Variants in DSCAML1 observed in about 807,000 individuals in gnomAD.
DSCAML1 encodes DS cell adhesion molecule like 1.
In DSCAML1, 38 loss-of-function variants were observed where a neutral mutation model predicts 200.5. That is an observed-to-expected ratio of 0.19 (90% confidence interval 0.15 to 0.25). The LOEUF (loss-of-function observed/expected upper bound fraction) is 0.25. DSCAML1 is among the 10% of genes least tolerant of loss of function. The pLI is 1.00. For synonymous variants in DSCAML1, 1,215 were observed against 1,165.0 expected (o/e 1.04, Z -0.87); for missense variants, 2,223 against 2,858.8 (o/e 0.78, Z 5.07).
chr11:117,557,139 C>A (rs911465844), intron 3 of DSCAML1, among the ~76,000 whole-genome samples: 2 of 152,050 alleles, frequency 1.3e-5, no homozygotes, highest in African/African-American at 4.8e-5. Context: ...TTAAGATGCC[C>A]GTAGTTAGTC....
chr11:117,625,532 G>T (rs2052025293), intron 3 of DSCAML1, among the ~76,000 whole-genome samples: 1 of 152,186 alleles, frequency 6.6e-6, no homozygotes. Context: ...GGGTCCCAGT[G>T]GTGTGACCCA....
chr11:117,437,505 G>C lies in DSCAML1; in HGVS notation c.4433-96C>G. ...GGAAAGGATTTCCCTGGGGCAGCTGGGATGGCAGTGGCTCCAGGAGAATAC... is the reference window on the plus strand; with the variant it reads ...GGAAAGGATTTCCCTGGGGCAGCTGCGATGGCAGTGGCTCCAGGAGAATAC... On this transcript the variant is annotated intron_variant, in intron 25 of 32. Coordinates refer to ENST00000651296, the MANE Select transcript of DSCAML1 (RefSeq NM_020693.4). The surrounding 1 kb of genome is among the most constrained non-coding windows in gnomAD (Gnocchi z 5.3). The C allele has an allele frequency of 7.1e-7, 1 of 1,405,590 alleles. No individual in the cohort carries two copies. Among genetic ancestry groups the C allele is most frequent in the Non-Finnish European group, 9.8e-7 (1 of 1,025,564 alleles). The allele number at this position is 1,405,590 out of a possible 1,614,324, so 87.1% of individuals were successfully genotyped here. A position where few individuals can be genotyped will look rare whatever the true frequency, so the allele number is the denominator to read the frequency against.
intron 4 of DSCAML1, among the ~76,000 whole-genome samples, chr11:117,526,264 T>A (rs541714446): frequency 6.6e-6 from 1 of 152,290 alleles, no homozygotes; most frequent in South Asian, 2.1e-4. Context: ...AGGCCTTCTA[T>A]GATCTGGGCC....
intron 1 of DSCAML1, among the ~76,000 whole-genome samples, chr11:117,790,385 T>G (rs625447): frequency 6.6e-6 from 1 of 152,110 alleles, no homozygotes; most frequent in Non-Finnish European, 1.5e-5. Context: ...CTGCCAAGTT[T>G]GCTCCAGGAA....
intron 3 of DSCAML1, among the ~76,000 whole-genome samples, chr11:117,773,769 A>T (rs1223481346): frequency 6.6e-6 from 1 of 152,116 alleles, no homozygotes. Flanking sequence ...TGCTAGTTGG[A>T]TTTCTGCACT....
At chr11:117,752,387 C>T (rs1364330493) in intron 3 of DSCAML1, among the ~76,000 whole-genome samples, 1 of 152,164 alleles carries the variant, frequency 6.6e-6, no homozygotes, top group Non-Finnish European at 1.5e-5. Context: ...GGCTGGGGAA[C>T]ACACAATTTT....
At chr11:117,441,480 C>T (rs2048046789) in intron 21 of DSCAML1, among the ~76,000 whole-genome samples, 1 of 152,026 alleles carries the variant, frequency 6.6e-6, no homozygotes, top group Non-Finnish European at 1.5e-5. Flanking sequence ...GGGAGTGTCC[C>T]AAGGGTGGTG....
At chr11:117,651,710 T>TC (rs1159383145) in intron 3 of DSCAML1, among the ~76,000 whole-genome samples, 19 of 36,802 alleles carry the variant, frequency 5.2e-4, no homozygotes, top group Non-Finnish European at 5.8e-4. Flanking sequence ...AGACTCTGTC[T>TC]CAAAAAAAAA....
intron 3 of DSCAML1, among the ~76,000 whole-genome samples, chr11:117,581,790 T>C (rs1158068222): frequency 6.6e-6 from 1 of 152,200 alleles, no homozygotes; most frequent in Non-Finnish European, 1.5e-5. Context: ...GAAGCCACGA[T>C]TTAAGCTCAG....
intron 3 of DSCAML1, among the ~76,000 whole-genome samples, chr11:117,545,498 C>G (rs1389227260): frequency 1.3e-5 from 2 of 152,178 alleles, no homozygotes; most frequent in African/African-American, 4.8e-5. Context: ...ATGCTCTTCC[C>G]TAGGACTCTT....
chr11:117,705,608 GACCAGT>G (rs1440860581), intron 3 of DSCAML1, among the ~76,000 whole-genome samples: 1 of 152,202 alleles, frequency 6.6e-6, no homozygotes, highest in African/African-American at 2.4e-5. Context: ...CAGAAAGAGA[GACCAGT>G]ACGGGTCTCT....
intron 3 of DSCAML1, among the ~76,000 whole-genome samples, chr11:117,765,541 C>A (rs2054881983): frequency 6.6e-6 from 1 of 152,186 alleles, no homozygotes; most frequent in Non-Finnish European, 1.5e-5. Flanking sequence ...TGTTCTCATT[C>A]CTCACAGAGA....
intron 3 of DSCAML1, among the ~76,000 whole-genome samples, chr11:117,674,886 G>A (rs1418488392): frequency 6.6e-6 from 1 of 152,138 alleles, no homozygotes; most frequent in Non-Finnish European, 1.5e-5. Context: ...CTCCCTGGAT[G>A]CTTGTCCTAT....
intron 16 of DSCAML1, among the ~76,000 whole-genome samples, chr11:117,468,520 G>A (rs375316545): frequency 8.5e-5 from 13 of 152,296 alleles, no homozygotes; most frequent in African/African-American, 2.9e-4. Context: ...CCTCCTGGCT[G>A]CCTTGGAGTG....
intron 11 of DSCAML1, among the ~76,000 whole-genome samples, chr11:117,502,520 C>T (rs559019051): frequency 3.9e-4 from 60 of 152,282 alleles, no homozygotes; most frequent in African/African-American, 1.4e-3. Context: ...CTCCCCAGGG[C>T]GGGGATTCCG....
chr11:117,725,718 C>T (rs1565896628), intron 3 of DSCAML1, among the ~76,000 whole-genome samples: 1 of 152,148 alleles, frequency 6.6e-6, no homozygotes, highest in African/African-American at 2.4e-5. Context: ...GGGCTGGCCC[C>T]TGAACCCCAT....
At chr11:117,785,633 T>C (rs2055338680) in intron 1 of DSCAML1, among the ~76,000 whole-genome samples, 1 of 152,132 alleles carries the variant, frequency 6.6e-6, no homozygotes, top group South Asian at 2.1e-4. Context: ...TCCCCGACAG[T>C]GGTGCCTGAG....
At chr11:117,663,180 C>A (rs207472402) in intron 3 of DSCAML1, among the ~76,000 whole-genome samples, 2 of 152,304 alleles carry the variant, frequency 1.3e-5, no homozygotes, top group Non-Finnish European at 2.9e-5. Context: ...AGCCAGCCTT[C>A]GATATCCTTG....
intron 20 of DSCAML1, 82 bp downstream of exon 20, chr11:117,450,467 T>C: frequency 1.3e-6 from 2 of 1,539,422 alleles, no homozygotes; most frequent in Non-Finnish European, 1.8e-6. Context: ...AGCCTCAGGG[T>C]TTGGCCTGGA....
Sources: allele counts gnomAD v4.1 joint callset (sites outside exome capture counted in the v4.1 genomes callset), GRCh38; gene constraint gnomAD v4.1.1; non-coding constraint Gnocchi (gnomAD v3.1); transcripts MANE v1.5; gene names NCBI Gene and HGNC (gene_info 2026-07-23, HGNC 2026-07-21).